Variants in LRRC7 observed in about 807,000 individuals in gnomAD.
LRRC7 encodes leucine rich repeat containing 7.
Under a neutral mutation model 175.7 loss-of-function variants are expected in LRRC7, and 23 were observed. That is an observed-to-expected ratio of 0.13 (90% CI 0.09 to 0.19). The LOEUF (loss-of-function observed/expected upper bound fraction) is 0.19. LRRC7 is among the 10% of genes least tolerant of loss of function. LRRC7 has a pLI of 1.00. For synonymous variants in LRRC7, 685 were observed against 680.9 expected (o/e 1.01, Z -0.09); for missense variants, 1,354 against 1,904.7 (o/e 0.71, Z 5.38).
intron 8 of LRRC7, 120 bp downstream of exon 8, chr1:69,931,690 T>TA: frequency 1.3e-6 from 1 of 789,480 alleles, no homozygotes; most frequent in South Asian, 1.7e-5. Flanking sequence ...AATGTAAAAG[T>TA]AAAAACCTGG....
chr1:69,852,787 A>G (rs1315431048), intron 7 of LRRC7, among the ~76,000 whole-genome samples: 1 of 152,206 alleles, frequency 6.6e-6, no homozygotes, highest in Non-Finnish European at 1.5e-5. Context: ...AATTTGTTAC[A>G]GTACATTTTA....
At chr1:69,913,034 T>C (rs927941738) in intron 7 of LRRC7, among the ~76,000 whole-genome samples, 3 of 152,154 alleles carry the variant, frequency 2.0e-5, no homozygotes, top group African/African-American at 7.2e-5. Context: ...ATCACAAAAT[T>C]AACCTAAACT....
chr1:70,031,794 T>C (rs1047072868), intron 18 of LRRC7, among the ~76,000 whole-genome samples: 8 of 151,984 alleles, frequency 5.3e-5, no homozygotes, highest in African/African-American at 1.9e-4. Flanking sequence ...GATTTTCTTT[T>C]TTTTTTTTTT....
At chr1:69,968,069 G>A (rs1165522207) in intron 8 of LRRC7, among the ~76,000 whole-genome samples, 2 of 151,952 alleles carry the variant, frequency 1.3e-5, no homozygotes, top group Non-Finnish European at 2.9e-5. Context: ...CAAGAAGTGA[G>A]GGGAGAAATA....
intron 1 of LRRC7, among the ~76,000 whole-genome samples, chr1:69,662,271 A>T (rs1445395434): frequency 3.3e-5 from 5 of 152,124 alleles, no homozygotes; most frequent in Non-Finnish European, 7.4e-5. Context: ...TCAATCATTT[A>T]AAAATAAATA....
Position 70,142,914 on chromosome 1 carries a change from T to A in LRRC7, c.*21027T>A, listed in dbSNP as rs546152491. 1.3e-5 allele frequency: 2 copies of A among 152,114 alleles called. No homozygotes were observed. Among genetic ancestry groups the A allele is most frequent in the African/African-American group, 4.8e-5 (2 of 41,446 alleles). The allele number at this position is 152,114 out of a possible 1,614,324, so 9.4% of individuals were successfully genotyped here. A position where few individuals can be genotyped will look rare whatever the true frequency, so the allele number is the denominator to read the frequency against. ...TTATGTTTTGGATGTTTTCTAAGTA[T>A]CTATGAAAATTATTTTTTCCTAAAC... On this transcript the variant is annotated 3_prime_UTR_variant, in exon 27 of 27. Transcript: ENST00000651989.
At chr1:69,673,503 G>A (rs1010323246) in intron 1 of LRRC7, among the ~76,000 whole-genome samples, 3 of 152,192 alleles carry the variant, frequency 2.0e-5, no homozygotes, top group African/African-American at 7.2e-5. Context: ...GGCTTGCCAA[G>A]CTTGAGAGTA....
chr1:69,936,537 C>T (rs1648045853), intron 8 of LRRC7, among the ~76,000 whole-genome samples: 1 of 152,014 alleles, frequency 6.6e-6, no homozygotes, highest in Admixed American at 6.6e-5. Context: ...ATTATAGTTT[C>T]CAGTTGCTTG....
chr1:69,570,188 C>A (rs1442300189), intron 1 of LRRC7, among the ~76,000 whole-genome samples: 1 of 151,986 alleles, frequency 6.6e-6, no homozygotes, highest in Non-Finnish European at 1.5e-5. Context: ...TGCATTCCAG[C>A]GAAAGCAGGA....
rs115025961 is a variant in LRRC7 at position 69,576,726 on chromosome 1, A to T, written c.2+8085A>T. Reference sequence around the variant, plus strand: ...CATTAGCTATGCTTTTCATTTGTAAAATGGTTCTTATTCATGCCAGCTTTC... The same window carrying T: ...CATTAGCTATGCTTTTCATTTGTAATATGGTTCTTATTCATGCCAGCTTTC... On this transcript the variant is annotated intron_variant, in intron 1 of 26. Transcript: ENST00000651989. Among the ~76,000 whole-genome samples the T allele has an allele frequency of 2.3e-3, 349 of 152,294 alleles. 2 individuals are homozygous for T. Among genetic ancestry groups the T allele is most frequent in the Non-Finnish European group, 3.3e-3 (225 of 68,016 alleles).
intron 7 of LRRC7, among the ~76,000 whole-genome samples, chr1:69,899,400 G>C (rs1646071275): frequency 6.6e-6 from 1 of 152,178 alleles, no homozygotes; most frequent in Admixed American, 6.5e-5. Context: ...GACTCCTGAA[G>C]TAGAGAATTG....
At chr1:69,849,768 T>C (rs544568695) in intron 7 of LRRC7, among the ~76,000 whole-genome samples, 1 of 152,128 alleles carries the variant, frequency 6.6e-6, no homozygotes, top group Admixed American at 6.6e-5. Context: ...TAAATATGAC[T>C]CCCAAGTTTG....
chr1:69,883,416 T>C (rs1557847907), intron 7 of LRRC7, among the ~76,000 whole-genome samples: 1 of 118,426 alleles, frequency 8.4e-6, no homozygotes, highest in Non-Finnish European at 1.8e-5. Flanking sequence ...TGTCTTCTTT[T>C]GAGAAGTGTC....
intron 2 of LRRC7, among the ~76,000 whole-genome samples, chr1:69,717,841 A>AGAAAGAAGAAAGAAAGG (rs754934916): frequency 8.3e-4 from 16 of 19,334 alleles, no homozygotes; most frequent in African/African-American, 3.0e-3. Context: ...AAAGAAAGAA[A>AGAAAGAAGAAAGAAAGG]AAAGAAAGAA....
At chr1:69,608,860 CTCTCTCTATATATATATATATA>C (rs1233567708) in intron 1 of LRRC7, among the ~76,000 whole-genome samples, 17 of 23,448 alleles carry the variant, frequency 7.3e-4, no homozygotes, top group East Asian at 2.6e-3. Context: ...CTCTCTCTCT[CTCTCTCTATATATATATATATA>C]TATATATATA....
At chr1:69,846,017 T>C (rs966303446) in intron 7 of LRRC7, among the ~76,000 whole-genome samples, 3 of 152,140 alleles carry the variant, frequency 2.0e-5, no homozygotes, top group Non-Finnish European at 4.4e-5. Context: ...ATTAGTGCCC[T>C]CTGCTTTTAG....
At chr1:69,660,454 C>T (rs553661463) in intron 1 of LRRC7, among the ~76,000 whole-genome samples, 212 of 152,022 alleles carry the variant, frequency 1.4e-3, no homozygotes, top group Non-Finnish European at 2.6e-3. Flanking sequence ...ACAATGAATT[C>T]GGCAAAAACG....
In LRRC7 at chr1:69,614,848, C is replaced by T. The variant is rs116667269; in HGVS notation, c.2+46207C>T. ...TCTTGACTGACTAGAAATAATTTGC[C>T]CCAAATTTACAGACTAGGCATGGGT... On this transcript the variant is annotated intron_variant, in intron 1 of 26. Transcript: ENST00000651989. Among the ~76,000 whole-genome samples the T allele has an allele frequency of 4.7e-3, 715 of 152,042 alleles. 8 individuals are homozygous for T. The highest frequency in any genetic ancestry group is 0.017 in the African/African-American group (688 of 41,486).
At chr1:69,976,492 A>G (rs888877082) in intron 8 of LRRC7, among the ~76,000 whole-genome samples, 4 of 152,214 alleles carry the variant, frequency 2.6e-5, no homozygotes, top group Non-Finnish European at 5.9e-5. Flanking sequence ...ACACCCTCAC[A>G]GACACCCCCA....
Sources: gnomAD v4.1 joint callset for allele counts (sites outside exome capture counted in the v4.1 genomes callset) on GRCh38, gnomAD v4.1.1 for gene constraint, MANE v1.5 for transcripts, NCBI Gene and HGNC (gene_info 2026-07-23, HGNC 2026-07-21) for gene names.